DCDC1: variants seen among roughly 807,000 people sequenced by gnomAD.
DCDC1 encodes doublecortin domain-containing protein 1.
In DCDC1, 200 loss-of-function variants were observed where a neutral mutation model predicts 178.3. That is an observed-to-expected ratio of 1.12 (90% CI 1.00 to 1.26). The LOEUF (loss-of-function observed/expected upper bound fraction) is 1.26, where lower values mean the gene tolerates loss of function less well. DCDC1 is among the 50% of genes most tolerant of loss of function. The pLI is 0.00. For missense variants in DCDC1, 1,983 were observed against 1,749.2 expected, an observed-to-expected ratio of 1.13 and a Z score of -2.38; for synonymous variants, 690 against 604.8, an observed-to-expected ratio of 1.14 and a Z score of -2.07.
At chr11:30,915,459 T>C (rs1945763949) in intron 27 of DCDC1, 52 bp downstream of exon 27, 2 of 1,596,884 alleles carry the variant, frequency 1.3e-6, no homozygotes, top group Non-Finnish European at 1.7e-6. Flanking sequence ...GCTAGACTTA[T>C]TAGGATCCTA....
intron 20 of DCDC1, among the ~76,000 whole-genome samples, chr11:31,007,162 G>A (rs148008908): frequency 3.3e-5 from 5 of 152,246 alleles, no homozygotes; most frequent in African/African-American, 7.2e-5. Flanking sequence ...TACATGTACC[G>A]TGTGCATAGG....
chr11:30,891,909 A>G (rs955920650), intron 36 of DCDC1, among the ~76,000 whole-genome samples: 1 of 152,148 alleles, frequency 6.6e-6, no homozygotes, highest in Non-Finnish European at 1.5e-5. Flanking sequence ...GGGCAGAACC[A>G]TCTCAGGTGG....
At chr11:30,983,881 G>A (rs980001192) in intron 20 of DCDC1, among the ~76,000 whole-genome samples, 1 of 152,028 alleles carries the variant, frequency 6.6e-6, no homozygotes, top group South Asian at 2.1e-4. Flanking sequence ...CAGACCACAG[G>A]GGGTAAAAAT....
intron 7 of DCDC1, among the ~76,000 whole-genome samples, chr11:31,277,732 T>C (rs1394117195): frequency 6.6e-6 from 1 of 152,138 alleles, no homozygotes; most frequent in African/African-American, 2.4e-5. Context: ...AAATGCCTCA[T>C]TCACATCTTT....
At position 30,878,683 on chromosome 11, in the gene DCDC1, T is replaced by G. The variant is rs1942366256; in HGVS notation, c.5262A>C (p.Ala1754=). Residue 1754 remains alanine, a synonymous_variant, in exon 38 of 39, where the codon GCA becomes GCC. Coordinates refer to ENST00000684477, the MANE Select transcript of DCDC1 (RefSeq NM_001387274.1). The part of the protein sequence containing the change: ...KELKQLMEIR[A]NYARIRRQQG... ...GCTGCCTTCGGATTCTGGCATAATTTGCTCTGATCTCCATCAGTTGTTTTA... is the reference window on the plus strand; with the variant it reads ...GCTGCCTTCGGATTCTGGCATAATTGGCTCTGATCTCCATCAGTTGTTTTA... The G allele has an allele frequency of 6.2e-7, 1 of 1,603,642 alleles. No homozygotes were observed. The highest frequency in any genetic ancestry group is 8.5e-7 in the Non-Finnish European group (1 of 1,176,078).
chr11:31,342,470 A>G (rs1164918984), intron 1 of DCDC1, among the ~76,000 whole-genome samples: 1 of 152,202 alleles, frequency 6.6e-6, no homozygotes, highest in Non-Finnish European at 1.5e-5. Flanking sequence ...CACATGGTAA[A>G]CATTCAATAA....
chr11:31,343,705 G>A (rs1950668656), intron 1 of DCDC1, among the ~76,000 whole-genome samples: 1 of 152,116 alleles, frequency 6.6e-6, no homozygotes, highest in African/African-American at 2.4e-5. Context: ...GACCACTTGA[G>A]GTCAGGAATT....
chr11:30,883,359 A>G (rs563955789), intron 36 of DCDC1: 1 of 262,258 alleles, frequency 3.8e-6, no homozygotes, highest in Non-Finnish European at 7.9e-6. Flanking sequence ...GAGAAAAGTC[A>G]AACATTTATA....
chr11:30,873,382 G>A (rs1158086402), intron 38 of DCDC1, among the ~76,000 whole-genome samples: 1 of 151,032 alleles, frequency 6.6e-6, no homozygotes, highest in African/African-American at 2.4e-5. Flanking sequence ...GAGAGAGAGA[G>A]AGAGAACAAA....
At chr11:31,268,060 A>T (rs1320251732) in intron 7 of DCDC1, among the ~76,000 whole-genome samples, 1 of 152,222 alleles carries the variant, frequency 6.6e-6, no homozygotes, top group Non-Finnish European at 1.5e-5. Flanking sequence ...TGTAAGCAAG[A>T]CATAATCTCC....
At chr11:31,247,310 C>T (rs2136947560) in intron 8 of DCDC1, among the ~76,000 whole-genome samples, 1 of 151,790 alleles carries the variant, frequency 6.6e-6, no homozygotes, top group African/African-American at 2.4e-5. Context: ...AGTAGCTGTG[C>T]ATTAAATATG....
chr11:31,125,481 T>C (rs571608642), intron 11 of DCDC1, among the ~76,000 whole-genome samples: 1 of 152,314 alleles, frequency 6.6e-6, no homozygotes, highest in South Asian at 2.1e-4. Context: ...CATGTGTATG[T>C]TCATTGCAAC....
At chr11:30,896,831 A>T (rs1310198370) in intron 34 of DCDC1, among the ~76,000 whole-genome samples, 1 of 152,208 alleles carries the variant, frequency 6.6e-6, no homozygotes, top group Non-Finnish European at 1.5e-5. Context: ...AATTACTAGT[A>T]TTATGATTAA....
chr11:31,341,769 T>C (rs978107209), intron 1 of DCDC1, among the ~76,000 whole-genome samples: 2 of 151,610 alleles, frequency 1.3e-5, no homozygotes, highest in African/African-American at 4.9e-5. Flanking sequence ...GTTGTAAATG[T>C]AGTCCATCCT....
At chr11:31,252,465 A>T (rs1944108112) in intron 8 of DCDC1, among the ~76,000 whole-genome samples, 1 of 152,210 alleles carries the variant, frequency 6.6e-6, no homozygotes, top group Admixed American at 6.5e-5. Context: ...CAAGTTCAAT[A>T]TAGATTAATT....
chr11:31,088,633 C>A (rs1391109514), intron 17 of DCDC1, among the ~76,000 whole-genome samples: 1 of 152,078 alleles, frequency 6.6e-6, no homozygotes, highest in Non-Finnish European at 1.5e-5. Context: ...CATATTATCT[C>A]CACAATATAT....
intron 9 of DCDC1, among the ~76,000 whole-genome samples, chr11:31,180,418 C>A (rs549765855): frequency 6.6e-6 from 1 of 152,026 alleles, no homozygotes; most frequent in African/African-American, 2.4e-5. Context: ...GCAAGATGGC[C>A]GAATAGGAAC....
chr11:31,250,097 T>A (rs1443516081), intron 8 of DCDC1, among the ~76,000 whole-genome samples: 4 of 151,936 alleles, frequency 2.6e-5, no homozygotes, highest in African/African-American at 9.7e-5. Context: ...GTGGCTACCA[T>A]CTATTGTCTT....
chr11:31,024,027 G>T (rs1953065576), intron 20 of DCDC1, among the ~76,000 whole-genome samples: 2 of 151,946 alleles, frequency 1.3e-5, no homozygotes, highest in African/African-American at 4.8e-5. Context: ...TGAAAAATGA[G>T]TAAAGTCCTA....
Sources: gnomAD v4.1 joint callset for allele counts (sites outside exome capture counted in the v4.1 genomes callset) on GRCh38, gnomAD v4.1.1 for gene constraint, MANE v1.5 for transcripts, NCBI Gene and HGNC (gene_info 2026-07-23, HGNC 2026-07-21) for gene names.